HLA-DQA2: variants seen among roughly 807,000 people sequenced by gnomAD.
The protein encoded by HLA-DQA2 is major histocompatibility complex, class II, DQ alpha 2, also known as HLA class II histocompatibility antigen, DQ alpha 2 chain.
A neutral mutation model predicts 21.0 loss-of-function variants in HLA-DQA2; 17 were observed. The observed-to-expected ratio is 0.81, with a 90% CI of 0.56 to 1.22. The LOEUF (loss-of-function observed/expected upper bound fraction) is 1.22, where lower values mean the gene tolerates loss of function less well. Ranked by LOEUF, HLA-DQA2 falls within the 50% of genes most tolerant of loss-of-function variation. The pLI is 0.00. For synonymous variants in HLA-DQA2, 81 were observed against 116.5 expected (o/e 0.70, Z 1.96); for missense variants, 239 against 308.8 (o/e 0.77, Z 1.69).
In HLA-DQA2 at chr6:32,745,802, G is replaced by A; in HGVS notation, c.343G>A (p.Val115Ile). Reference protein sequence around the residue: ...STAATNEVPEVTVFSKFPVTL... With the variant: ...STAATNEVPEITVFSKFPVTL... The stretch of plus-strand genomic sequence containing the variant: ...TTTCCTCACCACAGAGGTTCCTGAG[G>A]TCACAGTGTTTTCCAAGTTTCCTGT... The change falls in exon 3 of 5, where the codon GTC becomes ATC. Residue 115 changes from valine (V) to isoleucine (I), a missense_variant. Physicochemically the swap from Val to Ile is conservative, Grantham distance 29. Coordinates refer to ENST00000374940, the MANE Select transcript of HLA-DQA2 (RefSeq NM_020056.5). The A allele has an allele frequency of 6.2e-7, 1 of 1,613,088 alleles. No homozygotes were observed. The highest frequency in any genetic ancestry group is 1.1e-5 in the South Asian group (1 of 91,080).
At chr6:32,745,001 C>T (rs528169683) in intron 1 of HLA-DQA2, among the ~76,000 whole-genome samples, 158 bp from the exon 2 acceptor site, 5 of 152,282 alleles carry the variant, frequency 3.3e-5, no homozygotes, top group African/African-American at 4.8e-5. Context: ...TGACTACCAA[C>T]GTTAGGCAAG....
At chr6:32,741,786 C>T (rs560648126) in intron 1 of HLA-DQA2, among the ~76,000 whole-genome samples, 2 of 152,254 alleles carry the variant, frequency 1.3e-5, no homozygotes, top group South Asian at 4.1e-4. Context: ...GTCTGTGTGG[C>T]ATTCCATCAT....
intron 2 of HLA-DQA2, 109 bp downstream of exon 2, chr6:32,745,516 T>G (rs1763514809): frequency 8.3e-7 from 1 of 1,205,226 alleles, no homozygotes; most frequent in Non-Finnish European, 1.2e-6. Context: ...ATTGCTGAAA[T>G]TTTATCATCT....
chr6:32,742,795 C>T (rs1280667094), intron 1 of HLA-DQA2, among the ~76,000 whole-genome samples: 9 of 152,012 alleles, frequency 5.9e-5, no homozygotes, highest in African/African-American at 1.7e-4. Context: ...AACTGTAAAG[C>T]TACAAGAGAA....
chr6:32,743,079 ATGGTCTCGATCTCC>A (rs1304293033), intron 1 of HLA-DQA2, among the ~76,000 whole-genome samples: 13 of 151,210 alleles, frequency 8.6e-5, no homozygotes, highest in Non-Finnish European at 1.9e-4. Context: ...GTTAGCCAGG[ATGGTCTCGATCTCC>A]TGACCTCATG....
intron 4 of HLA-DQA2, 55 bp from the exon 5 acceptor site, chr6:32,746,527 A>T (rs549884406): frequency 8.0e-7 from 1 of 1,244,754 alleles, no homozygotes; most frequent in South Asian, 1.2e-5. Flanking sequence ...AAGTGGCATG[A>T]TGATCACACA....
intron 2 of HLA-DQA2, 125 bp from the exon 3 acceptor site, chr6:32,745,666 G>C: frequency 8.3e-7 from 1 of 1,206,562 alleles, no homozygotes; most frequent in Non-Finnish European, 1.2e-6. Context: ...CCAAGCAGAA[G>C]GTAAATAAGA....
rs753334585 is a variant in HLA-DQA2, at chr6:32,746,284, G to A, written c.658G>A (p.Val220Ile). ...APMSELTETLVCALGLSVGLM... is the reference protein window; with the variant it reads ...APMSELTETLICALGLSVGLM... ...TATGTCAGAGCTCACAGAGACTTTG[G>A]TCTGCGCCCTGGGGTTGTCTGTGGG... The change falls in exon 4 of 5, where the codon GTC becomes ATC. Residue 220 changes from valine (V) to isoleucine (I), a missense_variant. Transcript: ENST00000374940. 12 of 1,613,096 alleles carry A rather than the reference G, an allele frequency of 7.4e-6. No homozygotes were observed. The highest frequency in any genetic ancestry group is 1.0e-5 in the Non-Finnish European group (12 of 1,180,036).
Position 32,745,408 on chromosome 6 carries a change from G to C in HLA-DQA2, c.331+1G>C. On this transcript the variant is annotated splice_donor_variant, in intron 2 of 4. Coordinates refer to ENST00000374940, the MANE Select transcript of HLA-DQA2 (RefSeq NM_020056.5). LOFTEE classifies it high-confidence loss of function. ...TCCAACTCTACCGCTGCCACCAATG[G>C]TACGTGTCCACCATTCCGCCTCTCT... The C allele has an allele frequency of 6.2e-7, 1 of 1,613,624 alleles. No homozygotes were observed.
Position 32,746,261 on chromosome 6 carries a change from T to G in HLA-DQA2, c.635T>G (p.Met212Arg), listed in dbSNP as rs768797433. The G allele has an allele frequency of 6.2e-7, 1 of 1,613,118 alleles. No individual in the cohort carries two copies. The highest frequency in any genetic ancestry group is 8.5e-7 in the Non-Finnish European group (1 of 1,180,032). ...ACAGAGCCTGAGATTCCAGCCCCTA[T>G]GTCAGAGCTCACAGAGACTTTGGTC... ...KHWEPEIPAP[M>R]SELTETLVCA... is the part of the protein sequence containing the mutation. Residue 212 changes from methionine to arginine, a missense_variant, in exon 4 of 5, where the codon ATG becomes AGG. Met to Arg is a moderately conservative substitution (Grantham distance 91). Transcript: ENST00000374940.
chr6:32,741,818 T>A (rs1420788674), intron 1 of HLA-DQA2, among the ~76,000 whole-genome samples: 1 of 151,776 alleles, frequency 6.6e-6, no homozygotes, highest in Non-Finnish European at 1.5e-5. Context: ...AGACTAGGGA[T>A]GTTTCCATGA....
intron 1 of HLA-DQA2, among the ~76,000 whole-genome samples, chr6:32,744,285 C>T (rs1763409721): frequency 1.3e-5 from 2 of 150,054 alleles, no homozygotes; most frequent in Admixed American, 6.6e-5. Flanking sequence ...TTTGGCTATA[C>T]TTCATGGCTG....
rs1303065761 is a variant in HLA-DQA2, at chr6:32,746,075, A to G, written c.613+3A>G. 1 of 1,610,688 alleles carries G rather than the reference A, an allele frequency of 6.2e-7. No homozygotes were observed. Among genetic ancestry groups the G allele is most frequent in the East Asian group, 2.2e-5 (1 of 44,812 alleles). On this transcript the variant is annotated splice_donor_region_variant and intron_variant, in intron 3 of 4. Coordinates refer to ENST00000374940, the MANE Select transcript of HLA-DQA2 (RefSeq NM_020056.5). ...CGAGCCTCTTCTGAAACACTGGGGTAAGGATGAGTTCCACCACTTCATGGG... is the reference window on the plus strand; with the variant it reads ...CGAGCCTCTTCTGAAACACTGGGGTGAGGATGAGTTCCACCACTTCATGGG...
intron 1 of HLA-DQA2, among the ~76,000 whole-genome samples, chr6:32,742,814 C>T (rs1309773356): frequency 6.6e-6 from 1 of 151,884 alleles, no homozygotes; most frequent in Non-Finnish European, 1.5e-5. Context: ...AACGTTTTAA[C>T]TCCTTTTAAA....
Position 32,745,395 on chromosome 6 carries a change from G to T in HLA-DQA2, c.319G>T (p.Ala107Ser), listed in dbSNP as rs561598260. ...EFMMRQSNST[A>S]ATNEVPEVTV... Reference sequence around the variant, plus strand: ...CATGATGAGACAGTCCAACTCTACCGCTGCCACCAATGGTACGTGTCCACC... The same window carrying T: ...CATGATGAGACAGTCCAACTCTACCTCTGCCACCAATGGTACGTGTCCACC... The change falls in exon 2 of 5, where the codon GCT becomes TCT. Residue 107 changes from alanine (A) to serine (S), a missense_variant. Ala to Ser is a moderately conservative substitution (Grantham distance 99). Coordinates refer to ENST00000374940, the MANE Select transcript of HLA-DQA2 (RefSeq NM_020056.5). 1.9e-6 allele frequency: 3 copies of T among 1,612,184 alleles called. No individual in the cohort carries two copies. Among genetic ancestry groups the T allele is most frequent in the Non-Finnish European group, 2.5e-6 (3 of 1,179,472 alleles).
At chr6:32,742,681 G>C (rs1306850192) in intron 1 of HLA-DQA2, among the ~76,000 whole-genome samples, 1 of 152,006 alleles carries the variant, frequency 6.6e-6, no homozygotes, top group Non-Finnish European at 1.5e-5. Flanking sequence ...AGAGCACTTG[G>C]CTTTTTTGTT....
chr6:32,746,123 T>G, intron 3 of HLA-DQA2, 51 bp downstream of exon 3: 2 of 1,429,988 alleles, frequency 1.4e-6, no homozygotes, highest in Non-Finnish European at 1.9e-6. Context: ...GACTTCACTC[T>G]TCTCCCTAAG....
At chr6:32,742,714 C>T (rs756513189) in intron 1 of HLA-DQA2, among the ~76,000 whole-genome samples, 1 of 152,046 alleles carries the variant, frequency 6.6e-6, no homozygotes, top group Non-Finnish European at 1.5e-5. Flanking sequence ...TCTTCAACCT[C>T]ACACCAGAGT....
chr6:32,741,399 T>G lies in HLA-DQA2; in HGVS notation c.-45T>G. 2 of 1,593,076 alleles carry G rather than the reference T, an allele frequency of 1.3e-6. No individual in the cohort carries two copies. Among genetic ancestry groups the G allele is most frequent in the Non-Finnish European group, 1.7e-6 (2 of 1,164,626 alleles). On this transcript the variant is annotated 5_prime_UTR_variant, in exon 1 of 5. Coordinates refer to ENST00000374940, the MANE Select transcript of HLA-DQA2 (RefSeq NM_020056.5). Reference sequence around the variant, plus strand: ...CTTGTCTCGAGGTCCTCACAATTGCTCTACAGCTCAGAGCAGCAACTGCTG... The same window carrying G: ...CTTGTCTCGAGGTCCTCACAATTGCGCTACAGCTCAGAGCAGCAACTGCTG...
Sources: gnomAD v4.1 joint callset for allele counts (sites outside exome capture counted in the v4.1 genomes callset) on GRCh38, gnomAD v4.1.1 for gene constraint, MANE v1.5 for transcripts, NCBI Gene and HGNC (gene_info 2026-07-23, HGNC 2026-07-21) for gene names.